Variants in ZNF627 observed in about 807,000 individuals in gnomAD.
ZNF627 encodes the protein zinc finger protein 627.
Under a neutral mutation model 10.6 loss-of-function variants are expected in ZNF627, and 12 were observed. That is an observed-to-expected ratio of 1.13 (90% CI 0.73 to 1.84). The LOEUF (loss-of-function observed/expected upper bound fraction) is 1.84, where lower values mean the gene tolerates loss of function less well. Among genes scored for constraint, ZNF627 ranks in the 40% most tolerant of loss-of-function variants. The probability of loss-of-function intolerance (pLI) is 0.00; values close to 1 mark genes in which losing one functional copy is unlikely to be tolerated. For synonymous variants in ZNF627, 176 were observed against 187.1 expected, an observed-to-expected ratio of 0.94 and a Z score of 0.48; for missense variants, 504 against 568.4, an observed-to-expected ratio of 0.89 and a Z score of 1.15.
At chr19:11,606,690 C>T (rs560524321) in intron 1 of ZNF627, among the ~76,000 whole-genome samples, 166 of 152,332 alleles carry the variant, frequency 1.1e-3, no homozygotes, top group Non-Finnish European at 2.0e-3. Flanking sequence ...ATGAGGGCTC[C>T]GCCCCTGTAG....
intron 1 of ZNF627, among the ~76,000 whole-genome samples, chr19:11,597,851 C>A (rs761356819): frequency 6.6e-6 from 1 of 152,214 alleles, no homozygotes; most frequent in African/African-American, 2.4e-5. Flanking sequence ...CGTCTCCCCA[C>A]ATGGTGCGGG....
intron 1 of ZNF627, among the ~76,000 whole-genome samples, chr19:11,612,835 C>T (rs955762948): frequency 7.3e-5 from 11 of 150,928 alleles, no homozygotes; most frequent in Admixed American, 4.6e-4. Flanking sequence ...GGGTAAATTG[C>T]GTGTTACTGG....
chr19:11,616,333 A>G (rs1367280861), intron 3 of ZNF627, among the ~76,000 whole-genome samples: 61 of 152,190 alleles, frequency 4.0e-4, no homozygotes, highest in Non-Finnish European at 7.3e-5. Context: ...GGCATAAGCT[A>G]CTGCGTCTGG....
rs766163025 is a variant in ZNF627, at chr19:11,617,821, A to G, written c.1318A>G (p.Ile440Val). 3 of 1,606,824 alleles carry G rather than the reference A, an allele frequency of 1.9e-6. No homozygotes were observed. The highest frequency in any genetic ancestry group is 2.2e-5 in the South Asian group (2 of 90,010). ...CACTTACTTTCGAGTACATGAAAAA[A>G]TTCATACTGGAGAGAAACCCTATGA... ...RSTYFRVHEK[I>V]HTGEKPYENP... The change falls in exon 4 of 4, where the codon ATT (isoleucine) becomes GTT (valine). Residue 440 changes from isoleucine to valine, a missense_variant. Ile to Val is a conservative substitution (Grantham distance 29). Coordinates refer to ENST00000361113, the MANE Select transcript of ZNF627 (RefSeq NM_145295.4).
chr19:11,615,300 T>G (rs971809588), intron 3 of ZNF627, among the ~76,000 whole-genome samples: 1 of 151,252 alleles, frequency 6.6e-6, no homozygotes, highest in Non-Finnish European at 1.5e-5. Flanking sequence ...ACTGTTTTGT[T>G]TTTAGAAAAT....
chr19:11,617,514 T>C lies in ZNF627; in HGVS notation c.1011T>C (p.Cys337=). The C allele has an allele frequency of 6.2e-7, 1 of 1,613,418 alleles. No homozygotes were observed. The highest frequency in any genetic ancestry group is 8.5e-7 in the Non-Finnish European group (1 of 1,179,908). Residue 337 remains cysteine, a synonymous_variant, in exon 4 of 4, where the codon TGT becomes TGC. Coordinates refer to ENST00000361113, the MANE Select transcript of ZNF627 (RefSeq NM_145295.4). ...ACACTGGCAATGGACCTTATAAATGTAAGGTGTGTGGGAAAGCCTTTGATT... is the reference window on the plus strand; with the variant it reads ...ACACTGGCAATGGACCTTATAAATGCAAGGTGTGTGGGAAAGCCTTTGATT... ...IKHTGNGPYK[C]KVCGKAFDFP... is the part of the protein sequence containing the mutation.
intron 3 of ZNF627, 133 bp from the exon 4 acceptor site, chr19:11,616,562 C>G (rs1599665094): frequency 4.9e-6 from 3 of 618,194 alleles, no homozygotes; most frequent in South Asian, 2.8e-5. Context: ...GTTCAGGGTT[C>G]ACGCCTGGGC....
At position 11,617,348 on chromosome 19, in the gene ZNF627, A is replaced by G. The variant is rs1399982565; in HGVS notation, c.845A>G (p.Lys282Arg). ...THTGEKPYEC[K>R]QCGKAFRCAS... ...ACAGGAGAGAAACCCTACGAATGTAAACAGTGCGGTAAAGCCTTTAGGTGC... is the reference window on the plus strand; with the variant it reads ...ACAGGAGAGAAACCCTACGAATGTAGACAGTGCGGTAAAGCCTTTAGGTGC... Residue 282 changes from lysine to arginine, a missense_variant, in exon 4 of 4, where the codon AAA becomes AGA. Lys to Arg is a conservative substitution (Grantham distance 26). Coordinates refer to ENST00000361113, the MANE Select transcript of ZNF627 (RefSeq NM_145295.4). 1 of 1,613,918 alleles carries G rather than the reference A, an allele frequency of 6.2e-7. No homozygotes were observed. Among genetic ancestry groups the G allele is most frequent in the Non-Finnish European group, 8.5e-7 (1 of 1,179,998 alleles).
At chr19:11,615,174 T>C (rs1242207377) in intron 3 of ZNF627, among the ~76,000 whole-genome samples, 2 of 150,302 alleles carry the variant, frequency 1.3e-5, no homozygotes, top group East Asian at 2.0e-4. Context: ...TCTTGTTCTC[T>C]TGACCTCGTG....
At chr19:11,605,023 C>A (rs1973649279) in intron 1 of ZNF627, among the ~76,000 whole-genome samples, 1 of 150,610 alleles carries the variant, frequency 6.6e-6, no homozygotes, top group African/African-American at 2.4e-5. Flanking sequence ...GAGCTTGACT[C>A]AAGTTTGGTG....
chr19:11,616,589 G>A lies in ZNF627; in HGVS notation c.192-106G>A, dbSNP rs12162234. On this transcript the variant is annotated intron_variant, in intron 3 of 3. Transcript: ENST00000361113. ...CGCCTGGGCAACATAGTAAGATTCT[G>A]TCTCTGTATTTAAAAACAAGTATAT... The A allele has an allele frequency of 3.9e-6, 3 of 778,666 alleles. No homozygotes were observed. In the African/African-American group the frequency reaches 5.3e-5, roughly 14 times the overall value. 48.2% of individuals were successfully genotyped at this position (778,666 alleles called of 1,614,324 possible). A position where few individuals can be genotyped will look rare whatever the true frequency, so the allele number is the denominator to read the frequency against.
intron 3 of ZNF627, among the ~76,000 whole-genome samples, chr19:11,615,319 A>G (rs926790099): frequency 1.3e-5 from 2 of 150,114 alleles, no homozygotes; most frequent in African/African-American, 4.9e-5. Flanking sequence ...ATCTTCTCCA[A>G]GCCAGGCATG....
At chr19:11,605,124 C>T (rs1973652622) in intron 1 of ZNF627, among the ~76,000 whole-genome samples, 1 of 138,582 alleles carries the variant, frequency 7.2e-6, no homozygotes, top group Non-Finnish European at 1.5e-5. Flanking sequence ...TGCTCTGTCA[C>T]CCAGGCTGGA....
intron 1 of ZNF627, among the ~76,000 whole-genome samples, chr19:11,608,000 T>C (rs1296405387): frequency 6.6e-6 from 1 of 152,182 alleles, no homozygotes; most frequent in Non-Finnish European, 1.5e-5. Flanking sequence ...GACTGGATAA[T>C]TTATAAAGGA....
intron 1 of ZNF627, among the ~76,000 whole-genome samples, chr19:11,613,579 C>A (rs1278721158): frequency 2.0e-5 from 3 of 152,012 alleles, no homozygotes; most frequent in Non-Finnish European, 2.9e-5. Flanking sequence ...CAGTCTTGAA[C>A]TCCTGAGCTC....
intron 1 of ZNF627, among the ~76,000 whole-genome samples, chr19:11,600,822 TA>T (rs1002711881): frequency 6.6e-6 from 1 of 152,216 alleles, no homozygotes; most frequent in African/African-American, 2.4e-5. Flanking sequence ...TATGATTTAG[TA>T]CATGATTTGT....
chr19:11,600,965 T>C (rs1045324495), intron 1 of ZNF627, among the ~76,000 whole-genome samples: 2 of 152,240 alleles, frequency 1.3e-5, no homozygotes, highest in Non-Finnish European at 2.9e-5. Flanking sequence ...TGAGTGATTT[T>C]ACTGGAATCT....
intron 1 of ZNF627, among the ~76,000 whole-genome samples, chr19:11,613,915 GA>G (rs1973821224): frequency 8.2e-6 from 1 of 121,290 alleles, no homozygotes; most frequent in African/African-American, 3.2e-5. Flanking sequence ...CTAGTTACTA[GA>G]TTTTTTTTTT....
intron 1 of ZNF627, among the ~76,000 whole-genome samples, chr19:11,604,680 G>A (rs1973643980): frequency 6.6e-6 from 1 of 152,212 alleles, no homozygotes; most frequent in African/African-American, 2.4e-5. Flanking sequence ...CAAGTTTACA[G>A]CCTTGTTCCC....
Sources: gnomAD v4.1 joint callset for allele counts (sites outside exome capture counted in the v4.1 genomes callset) on GRCh38, gnomAD v4.1.1 for gene constraint, MANE v1.5 for transcripts, NCBI Gene and HGNC (gene_info 2026-07-23, HGNC 2026-07-21) for gene names.